Variants in TTN observed in about 807,000 individuals in gnomAD.
TTN encodes titin, also known as connectin.
In TTN, 1,525 loss-of-function variants were observed where a neutral mutation model predicts 3,223.0. The observed-to-expected ratio is 0.47, with a 90% CI of 0.45 to 0.49. The LOEUF (loss-of-function observed/expected upper bound fraction) is 0.49. Ranked by LOEUF, TTN falls within the 20% of genes least tolerant of loss-of-function variation. The pLI is 0.00. For synonymous variants in TTN, 14,094 were observed against 15,161.0 expected, an observed-to-expected ratio of 0.93 and a Z score of 5.17; for missense variants, 40,786 against 43,424.0, an observed-to-expected ratio of 0.94 and a Z score of 5.40.
Position 178,784,199 on chromosome 2 carries a change from G to A in TTN, c.2646C>T (p.Pro882=), listed in dbSNP as rs760697049. The A allele has an allele frequency of 6.2e-6, 10 of 1,614,184 alleles. No individual in the cohort carries two copies. The East Asian group carries it at 2.2e-4, about 36-fold the overall frequency. ...RAEPTPLPQF[P]FADTPDTYKS... is the part of the protein sequence containing the mutation. Reference sequence around the variant, plus strand: ...TGTAAGTATCTGGTGTGTCAGCGAAGGGGAACTGTGGCAAGGGTGTGGGCT... The same window carrying A: ...TGTAAGTATCTGGTGTGTCAGCGAAAGGGAACTGTGGCAAGGGTGTGGGCT... Residue 882 remains proline (P), a synonymous_variant, in exon 16 of 363, where the codon CCC becomes CCT. Transcript: ENST00000589042.
At chr2:178,780,885 ATGC>A (rs2092705034) in intron 21 of TTN, among the ~76,000 whole-genome samples, 1 of 152,232 alleles carries the variant, frequency 6.6e-6, no homozygotes, top group African/African-American at 2.4e-5. Flanking sequence ...GAGGCATGAT[ATGC>A]CTAGAAACAA....
intron 47 of TTN, among the ~76,000 whole-genome samples, 195 bp from the exon 48 acceptor site, chr2:178,742,116 A>G (rs1195837077): frequency 6.6e-6 from 1 of 152,080 alleles, no homozygotes; most frequent in Non-Finnish European, 1.5e-5. Flanking sequence ...ATGCAAAATT[A>G]TAGATACTGT....
At position 178,781,143 on chromosome 2, in the gene TTN, T is replaced by A. The variant is rs764659004; in HGVS notation, c.3501A>T (p.Ala1167=). Residue 1167 remains alanine, a synonymous_variant, in exon 21 of 363, where the codon GCA becomes GCT. Transcript: ENST00000589042. ...TACCTTCTTCAAGCAAGGAAGCAGA[T>A]GCAGAAGTTTCTCCATGCTTATTGC... ...VVRNKHGETS[A]SASLLEEADY... is the part of the protein sequence containing the mutation. The A allele has an allele frequency of 6.2e-7, 1 of 1,614,050 alleles. No homozygotes were observed. The highest frequency in any genetic ancestry group is 8.5e-7 in the Non-Finnish European group (1 of 1,179,954).
intron 47 of TTN, chr2:178,751,422 T>C: frequency 2.5e-6 from 4 of 1,611,120 alleles, no homozygotes; most frequent in Non-Finnish European, 3.4e-6. Context: ...CTCATTGTCT[T>C]AAAATGTATA....
intron 47 of TTN, chr2:178,748,570 G>A: frequency 6.2e-7 from 1 of 1,613,070 alleles, no homozygotes. Flanking sequence ...TGTTCTCAGT[G>A]TCAGCAGGAT....
At chr2:178,643,871 C>T (rs2061548699) in intron 218 of TTN, among the ~76,000 whole-genome samples, 1 of 151,900 alleles carries the variant, frequency 6.6e-6, no homozygotes, top group Non-Finnish European at 1.5e-5. Context: ...CACTACTACC[C>T]ATTAGAAAAA....
chr2:178,540,740 G>T (rs930399678), intron 350 of TTN, among the ~76,000 whole-genome samples: 9 of 152,264 alleles, frequency 5.9e-5, no homozygotes, highest in Non-Finnish European at 1.0e-4. Context: ...AGGTTGCAGT[G>T]AGCCAAGATC....
Position 178,731,001 on chromosome 2 carries a change from T to C in TTN, c.17664A>G (p.Lys5888=). The C allele has an allele frequency of 6.2e-7, 1 of 1,613,636 alleles. No homozygotes were observed. Among genetic ancestry groups the C allele is most frequent in the Non-Finnish European group, 8.5e-7 (1 of 1,179,696 alleles). Residue 5888 remains lysine, a synonymous_variant, in exon 60 of 363, where the codon AAA becomes AAG. Transcript: ENST00000589042. The part of the protein sequence containing the change: ...SILKIISTEK[K]DSGEYTFEVQ... ...CCTCGAAAGTATATTCTCCACTATC[T>C]TTCTTTTCTGTAGAAATAATCTTCA...
chr2:178,532,166 C>T lies in TTN; in HGVS notation c.104449G>A (p.Glu34817Lys), dbSNP rs1553488312. 4.3e-6 allele frequency: 7 copies of T among 1,613,660 alleles called. No homozygotes were observed. The highest frequency in any genetic ancestry group is 5.9e-6 in the Non-Finnish European group (7 of 1,179,824). ...GCATGTTTTGAGATTTCGTATTCTT[C>T]CTCAATTTCTGTTATTTCTGTCACT... ...REVTEITEIE[E>K]EYEISKHAQR... Residue 34817 changes from glutamate (E) to lysine (K), a missense_variant, in exon 358 of 363, where the codon GAA becomes AAA. By Grantham distance (56) the Glu-to-Lys change is moderately conservative. Transcript: ENST00000589042.
At position 178,536,943 on chromosome 2, in the gene TTN, G is replaced by A. The variant is rs76537376; in HGVS notation, c.100166C>T (p.Pro33389Leu). 6.2e-7 allele frequency: 1 copy of A among 1,601,032 alleles called. No individual in the cohort carries two copies. The highest frequency in any genetic ancestry group is 1.1e-5 in the South Asian group (1 of 89,716). Residue 33389 changes from proline (P) to leucine (L), a missense_variant, in exon 356 of 363, where the codon CCA becomes CTA. By Grantham distance (98) the Pro-to-Leu change is moderately conservative. Transcript: ENST00000589042. ...AGAAATCAAGTTGTACTCACCAAAT[G>A]GACTCTTAATGATCACAACTGAGGA... The part of the protein sequence containing the change: ...EVSSVVIIKS[P>L]FEKPGAPGKP...
intron 106 of TTN, among the ~76,000 whole-genome samples, chr2:178,703,095 AC>A (rs1240394748): frequency 6.6e-6 from 1 of 152,210 alleles, no homozygotes; most frequent in Non-Finnish European, 1.5e-5. Context: ...AATATGTATA[AC>A]TTTTCCTGTA....
rs1407951073 is a variant in TTN, at chr2:178,547,882, T to C, written c.93744A>G (p.Thr31248=). 3 of 1,613,882 alleles carry C rather than the reference T, an allele frequency of 1.9e-6. No individual in the cohort carries two copies. In the South Asian group the frequency reaches 3.3e-5, roughly 18 times the overall value. ...TAAGTCTCATTTCTTCCAGTTTCCATGTTACTTTGGGGGCAGGACGACCAC... is the reference window on the plus strand; with the variant it reads ...TAAGTCTCATTTCTTCCAGTTTCCACGTTACTTTGGGGGCAGGACGACCAC... ...PISGRPAPKV[T]WKLEEMRLKE... Residue 31248 remains threonine, a synonymous_variant, in exon 339 of 363, where the codon ACA becomes ACG. Coordinates refer to ENST00000589042, the MANE Select transcript of TTN (RefSeq NM_001267550.2).
intron 41 of TTN, 28 bp downstream of exon 41, chr2:178,766,353 A>T: frequency 6.4e-7 from 1 of 1,550,780 alleles, no homozygotes; most frequent in East Asian, 2.2e-5. Context: ...TGGATCCACA[A>T]AATATGCTGA....
At chr2:178,677,335 C>T (rs867299133) in intron 146 of TTN, 48 bp from the exon 147 acceptor site, 22 of 251,888 alleles carry the variant, frequency 8.7e-5, no homozygotes, top group African/African-American at 6.6e-4. Flanking sequence ...TATACATGGT[C>T]ATATATATAT....
chr2:178,749,874 T>C lies in TTN; in HGVS notation c.11311+3250A>G. 2 of 1,613,050 alleles carry C rather than the reference T, an allele frequency of 1.2e-6. No homozygotes were observed. The highest frequency in any genetic ancestry group is 1.7e-6 in the Non-Finnish European group (2 of 1,179,438). ...CCAGATATTAAACATTCAAGAATGA[T>C]GGAATCCCCTTCTCTACACCTGGCA... is the stretch of plus-strand genomic sequence containing the variant. On this transcript the variant is annotated intron_variant, in intron 47 of 362. Coordinates refer to ENST00000589042, the MANE Select transcript of TTN (RefSeq NM_001267550.2).
chr2:178,687,897 AG>A (rs1228501430), intron 127 of TTN, among the ~76,000 whole-genome samples: 1 of 152,174 alleles, frequency 6.6e-6, no homozygotes, highest in East Asian at 1.9e-4. Flanking sequence ...GCAAGTAAGA[AG>A]GGATGCAGAA....
rs1292185230 is a variant in TTN, at chr2:178,789,460, A to C, written c.1976T>G (p.Ile659Arg). Residue 659 changes from isoleucine to arginine, a missense_variant, in exon 13 of 363, where the codon ATA becomes AGA. By Grantham distance (97) the Ile-to-Arg change is moderately conservative. Transcript: ENST00000589042. ...KEAEKTALST[I>R]AVATAKAKEQ... ...TTTGGCTTTAGCAGTAGCAACTGCT[A>C]TTGTAGACAAGGCAGTTTTCTCGGC... 1.2e-6 allele frequency: 2 copies of C among 1,613,440 alleles called. No homozygotes were observed. Among genetic ancestry groups the C allele is most frequent in the African/African-American group, 2.7e-5 (2 of 75,020 alleles).
At position 178,689,003 on chromosome 2, in the gene TTN, A is replaced by ATTTTTTTTTT. The variant is rs35770337; in HGVS notation, c.32095+40_32095+49dup. The stretch of plus-strand genomic sequence containing the variant: ...AAGCAAGAATTTAACACACTCGAAG[A>ATTTTTTTTTT]TTTTTTTTTTTTTTTTTTTTTTTTG... On this transcript the variant is annotated intron_variant, in intron 125 of 362. Transcript: ENST00000589042. The ATTTTTTTTTT allele has an allele frequency of 4.0e-6, 4 of 1,006,790 alleles. 1 individual carries two copies. Among genetic ancestry groups the ATTTTTTTTTT allele is most frequent in the African/African-American group, 2.2e-5 (1 of 45,976 alleles). 62.4% of individuals were successfully genotyped at this position (1,006,790 alleles called of 1,614,324 possible).
Position 178,527,281 on chromosome 2 carries a change from G to A in TTN, c.107707C>T (p.Pro35903Ser), listed in dbSNP as rs1328551203. 6.3e-7 allele frequency: 1 copy of A among 1,599,630 alleles called. No homozygotes were observed. Among genetic ancestry groups the A allele is most frequent in the East Asian group, 2.2e-5 (1 of 44,642 alleles). The change falls in exon 363 of 363, where the codon CCA becomes TCA. Residue 35903 changes from proline to serine, a missense_variant. Physicochemically the swap from Pro to Ser is moderately conservative, Grantham distance 74. Coordinates refer to ENST00000589042, the MANE Select transcript of TTN (RefSeq NM_001267550.2). Reference sequence around the variant, plus strand: ...CCTTCATCAATGCTGATATCAGATGGAAGAGCTTCAATTTTAGGCGGAATT... The same window carrying A: ...CCTTCATCAATGCTGATATCAGATGAAAGAGCTTCAATTTTAGGCGGAATT... The part of the protein sequence containing the change: ...RGIPPKIEAL[P>S]SDISIDEGKV...
Sources: gnomAD v4.1 joint callset for allele counts (sites outside exome capture counted in the v4.1 genomes callset) on GRCh38, gnomAD v4.1.1 for gene constraint, MANE v1.5 for transcripts, NCBI Gene and HGNC (gene_info 2026-07-23, HGNC 2026-07-21) for gene names.